ZNF250: variants seen among roughly 807,000 people sequenced by gnomAD.
ZNF250 encodes zinc finger protein 250, also known as zinc finger protein (clone 647).
ZNF250 carries 13 observed loss-of-function variants against 37.1 expected under a neutral mutation model. That is an observed-to-expected ratio of 0.35 (90% CI 0.23 to 0.56). ZNF250 has a LOEUF of 0.56. Ranked by LOEUF, ZNF250 falls within the 20% of genes least tolerant of loss-of-function variation. The pLI, the probability that ZNF250 is intolerant of heterozygous loss-of-function variation, is 0.87. For synonymous variants in ZNF250, 251 were observed against 265.6 expected (o/e 0.94, Z 0.54); for missense variants, 474 against 697.9 (o/e 0.68, Z 3.61).
At chr8:144,883,540 G>C (rs1461200122) in intron 5 of ZNF250, among the ~76,000 whole-genome samples, 1 of 151,926 alleles carries the variant, frequency 6.6e-6, no homozygotes. Context: ...GGGTTTTATC[G>C]TGTCGGCCAG....
rs1831397941 is a variant in ZNF250, at chr8:144,880,544, T to G, written c.*971A>C. On this transcript the variant is annotated 3_prime_UTR_variant, in exon 6 of 6. Coordinates refer to ENST00000417550, the MANE Select transcript of ZNF250 (RefSeq NM_001109689.4). ...AAAAGTTAGCATAACCTTTCTGATC[T>G]TGAATAAAGTTAAAAGCTCCAGATA... 2.2e-6 allele frequency: 1 copy of G among 454,728 alleles called. No homozygotes were observed. Among genetic ancestry groups the G allele is most frequent in the African/African-American group, 2.0e-5 (1 of 49,956 alleles). The allele number at this position is 454,728 out of a possible 1,614,324, so 28.2% of individuals were successfully genotyped here. A position where few individuals can be genotyped will look rare whatever the true frequency, so the allele number is the denominator to read the frequency against.
intron 5 of ZNF250, among the ~76,000 whole-genome samples, chr8:144,885,490 G>A (rs1485312537): frequency 2.0e-5 from 3 of 151,648 alleles, no homozygotes; most frequent in Non-Finnish European, 2.9e-5. Context: ...TTTGAGACAG[G>A]GTCTCACTCT....
At chr8:144,889,774 T>G (rs1832180655) in intron 3 of ZNF250, 80 bp from the exon 4 acceptor site, 1 of 1,500,158 alleles carries the variant, frequency 6.7e-7, no homozygotes, top group Middle Eastern at 1.8e-4. Context: ...TGTGGGGACA[T>G]GAAAATGGAC....
At chr8:144,884,900 G>C (rs1210765514) in intron 5 of ZNF250, among the ~76,000 whole-genome samples, 1 of 152,072 alleles carries the variant, frequency 6.6e-6, no homozygotes, top group Admixed American at 6.5e-5. Flanking sequence ...CAGTGGTTTT[G>C]ATTTCCACTT....
intron 4 of ZNF250, 56 bp downstream of exon 4, chr8:144,889,525 T>G (rs1438816240): frequency 1.4e-6 from 2 of 1,416,622 alleles, no homozygotes; most frequent in Non-Finnish European, 2.0e-6. Context: ...GGTCCACAGC[T>G]TTGCTCAGGA....
intron 1 of ZNF250, among the ~76,000 whole-genome samples, chr8:144,896,791 G>C (rs532115720): frequency 6.6e-6 from 1 of 152,270 alleles, no homozygotes; most frequent in African/African-American, 2.4e-5. Context: ...CAGAATACTG[G>C]AAGTGGAGTT....
rs1183579448 is a variant in ZNF250 at position 144,878,060 on chromosome 8, T to G, written c.*3455A>C. On this transcript the variant is annotated 3_prime_UTR_variant, in exon 6 of 6. Transcript: ENST00000417550. ...GCTTCCTTTCATAGAAGATTTAAGA[T>G]AGCACCACAGTGTTCTCATTTTCTC... 6.6e-6 allele frequency: 1 copy of G among 152,236 alleles called. No homozygotes were observed. Among genetic ancestry groups the G allele is most frequent in the African/African-American group, 2.4e-5 (1 of 41,456 alleles). 9.4% of individuals were successfully genotyped at this position (152,236 alleles called of 1,614,324 possible).
intron 1 of ZNF250, among the ~76,000 whole-genome samples, chr8:144,896,020 A>T (rs1832698871): frequency 6.6e-6 from 1 of 151,630 alleles, no homozygotes; most frequent in Admixed American, 6.6e-5. Flanking sequence ...AAAAAAAAAA[A>T]AAAAAAAAAA....
chr8:144,893,907 G>T (rs1741511567), intron 1 of ZNF250, among the ~76,000 whole-genome samples: 1 of 152,106 alleles, frequency 6.6e-6, no homozygotes, highest in South Asian at 2.1e-4. Flanking sequence ...TCCCTGGATG[G>T]CTGCTGGATG....
rs115431542 is a variant in ZNF250 at position 144,885,981 on chromosome 8, T to C, written c.346+859A>G. Among the ~76,000 whole-genome samples, 516 of 151,462 alleles carry C rather than the reference T, an allele frequency of 3.4e-3. 4 individuals carry two copies. The highest frequency in any genetic ancestry group is 0.012 in the African/African-American group (487 of 41,258). ...GCATGGTGGTGTACACCTGTGGTTA[T>C]AGCTACTCTCGGGAAGCTGTTGTGG... On this transcript the variant is annotated intron_variant, in intron 5 of 5. Transcript: ENST00000417550.
intron 4 of ZNF250, among the ~76,000 whole-genome samples, chr8:144,888,319 A>C (rs1269824486): frequency 5.9e-5 from 9 of 152,208 alleles, no homozygotes; most frequent in Admixed American, 5.9e-4. Context: ...ATTTCTGGCC[A>C]GGTGCAGTGG....
Position 144,881,930 on chromosome 8 carries a change from T to C in ZNF250, c.1253A>G (p.Tyr418Cys), listed in dbSNP as rs753849188. 3 of 1,614,040 alleles carry C rather than the reference T, an allele frequency of 1.9e-6. No homozygotes were observed. The highest frequency in any genetic ancestry group is 2.5e-6 in the Non-Finnish European group (3 of 1,179,990). ...HERIHTEEKP[Y>C]ACYECGKAFV... ...GGCCTTCCCACATTCGTAGCATGCA[T>C]AGGGCTTTTCCTCGGTGTGGATCCG... is the stretch of plus-strand genomic sequence containing the variant. The change falls in exon 6 of 6, where the codon TAT becomes TGT. Residue 418 changes from tyrosine (Y) to cysteine (C), a missense_variant. Tyr to Cys is a radical substitution (Grantham distance 194). Coordinates refer to ENST00000417550, the MANE Select transcript of ZNF250 (RefSeq NM_001109689.4).
intron 4 of ZNF250, among the ~76,000 whole-genome samples, chr8:144,889,101 TACA>T (rs1458039821): frequency 6.6e-6 from 1 of 152,242 alleles, no homozygotes; most frequent in African/African-American, 2.4e-5. Flanking sequence ...GGATACCCAG[TACA>T]ACATTATATG....
Position 144,880,231 on chromosome 8 carries a change from G to A in ZNF250, c.*1284C>T. The A allele has an allele frequency of 4.0e-6, 1 of 251,728 alleles. No homozygotes were observed. The highest frequency in any genetic ancestry group is 4.2e-5 in the South Asian group (1 of 23,826). 15.6% of individuals were successfully genotyped at this position (251,728 alleles called of 1,614,324 possible). On this transcript the variant is annotated 3_prime_UTR_variant, in exon 6 of 6. Coordinates refer to ENST00000417550, the MANE Select transcript of ZNF250 (RefSeq NM_001109689.4). ...AAAAAAAAAACCCCTTCAAATATAG[G>A]AATAGAAATACTAGAGATAGTAAAA... is the stretch of plus-strand genomic sequence containing the variant.
At chr8:144,893,322 C>T (rs546633479) in intron 1 of ZNF250, among the ~76,000 whole-genome samples, 54 of 152,162 alleles carry the variant, frequency 3.5e-4, no homozygotes, top group South Asian at 8.3e-4. Context: ...CACCCACCAG[C>T]GCACAGATCT....
chr8:144,895,828 T>G (rs1832682217), intron 1 of ZNF250, among the ~76,000 whole-genome samples: 1 of 150,510 alleles, frequency 6.6e-6, no homozygotes, highest in Non-Finnish European at 1.5e-5. Flanking sequence ...GCCAACATAG[T>G]GAAACCCCGT....
rs769495618 is a variant in ZNF250 at position 144,882,305 on chromosome 8, A to C, written c.878T>G (p.Leu293Arg). The part of the protein sequence containing the change: ...CRKAFTQLSH[L>R]IQHQRIHTGE... ...CGTGTGGATCCGCTGGTGCTGAATGAGATGTGAGAGTTGAGTGAAGGCTTT... is the reference window on the plus strand; with the variant it reads ...CGTGTGGATCCGCTGGTGCTGAATGCGATGTGAGAGTTGAGTGAAGGCTTT... Residue 293 changes from leucine (L) to arginine (R), a missense_variant, in exon 6 of 6, where the codon CTC (leucine) becomes CGC (arginine). Around this residue, in one of 2 missense-constraint regions of ZNF250, gnomAD observed 282 missense variants for 470.4 expected, o/e 0.60. Transcript: ENST00000417550. This position sits in a 1 kb window ranked among gnomAD's most constrained non-coding sequence, Gnocchi z 5.5. 4 of 1,613,436 alleles carry C rather than the reference A, an allele frequency of 2.5e-6. No individual in the cohort carries two copies. The highest frequency in any genetic ancestry group is 3.4e-6 in the Non-Finnish European group (4 of 1,179,730).
chr8:144,890,537 T>G lies in ZNF250; in HGVS notation c.-54-134A>C, dbSNP rs1419564368. 1 of 490,040 alleles carries G rather than the reference T, an allele frequency of 2.0e-6. No homozygotes were observed. The highest frequency in any genetic ancestry group is 3.5e-6 in the Non-Finnish European group (1 of 286,802). 30.4% of individuals were successfully genotyped at this position (490,040 alleles called of 1,614,324 possible). A position where few individuals can be genotyped will look rare whatever the true frequency, so the allele number is the denominator to read the frequency against. ...GAGGTCAGGTGCAAGGAGCTGCTACTGTTGCAGCCTTGGTCTGCCTTGCCT... is the reference window on the plus strand; with the variant it reads ...GAGGTCAGGTGCAAGGAGCTGCTACGGTTGCAGCCTTGGTCTGCCTTGCCT... On this transcript the variant is annotated intron_variant, in intron 1 of 5. Transcript: ENST00000417550. This position sits in a 1 kb window ranked among gnomAD's most constrained non-coding sequence, Gnocchi z 5.1.
At position 144,882,985 on chromosome 8, in the gene ZNF250, G is replaced by A. The variant is rs1831606905; in HGVS notation, c.347-149C>T. Reference sequence around the variant, plus strand: ...ACAGAAGAACAGAACCACCATAACTGTGTCAAACAACTAGATATCAGAAGA... The same window carrying A: ...ACAGAAGAACAGAACCACCATAACTATGTCAAACAACTAGATATCAGAAGA... On this transcript the variant is annotated intron_variant, in intron 5 of 5. Transcript: ENST00000417550. This position sits in a 1 kb window ranked among gnomAD's most constrained non-coding sequence, Gnocchi z 5.5. 2.3e-6 allele frequency: 2 copies of A among 872,758 alleles called. No individual in the cohort carries two copies. The highest frequency in any genetic ancestry group is 3.6e-6 in the Non-Finnish European group (2 of 562,248). 54.1% of individuals were successfully genotyped at this position (872,758 alleles called of 1,614,324 possible). A position where few individuals can be genotyped will look rare whatever the true frequency, so the allele number is the denominator to read the frequency against.
Sources: gnomAD v4.1 joint callset for allele counts (sites outside exome capture counted in the v4.1 genomes callset) on GRCh38, gnomAD v4.1.1 for gene constraint, gnomAD v4.1.1 regional missense constraint, Gnocchi (gnomAD v3.1) non-coding constraint, MANE v1.5 for transcripts, NCBI Gene and HGNC (gene_info 2026-07-23, HGNC 2026-07-21) for gene names.